Variants in MYLK observed in about 807,000 individuals in gnomAD.
MYLK encodes the protein myosin light chain kinase, smooth muscle.
In MYLK, 106 loss-of-function variants were observed where a neutral mutation model predicts 203.4. The observed-to-expected ratio is 0.52, with a 90% CI of 0.45 to 0.61. The LOEUF is 0.61. Ranked by LOEUF, MYLK falls within the 20% of genes least tolerant of loss-of-function variation. The pLI, the probability that MYLK is intolerant of heterozygous loss-of-function variation, is 0.00. For synonymous variants in MYLK, 867 were observed against 959.5 expected (o/e 0.90, Z 1.78); for missense variants, 2,072 against 2,442.3 (o/e 0.85, Z 3.20).
At chr3:123,725,376 C>T (rs923396987) in intron 12 of MYLK, among the ~76,000 whole-genome samples, 1 of 152,040 alleles carries the variant, frequency 6.6e-6, no homozygotes, top group South Asian at 2.1e-4. Context: ...TAATATACGG[C>T]AAATAATTTT....
At chr3:123,858,491 G>T (rs1476183172) in intron 2 of MYLK, among the ~76,000 whole-genome samples, 1 of 152,088 alleles carries the variant, frequency 6.6e-6, no homozygotes, top group Non-Finnish European at 1.5e-5. Context: ...AAGGTCGAGA[G>T]GCTACATCTG....
At chr3:123,735,981 G>A (rs936681120) in intron 8 of MYLK, among the ~76,000 whole-genome samples, 4 of 152,022 alleles carry the variant, frequency 2.6e-5, no homozygotes, top group African/African-American at 9.7e-5. Context: ...ATTTGTTTTT[G>A]AGTATTTTAA....
intron 13 of MYLK, among the ~76,000 whole-genome samples, chr3:123,710,331 C>T (rs2061642418): frequency 6.8e-6 from 1 of 147,178 alleles, no homozygotes; most frequent in African/African-American, 2.5e-5. Context: ...ACGTGTGTAA[C>T]ATATAGAAGC....
intron 3 of MYLK, chr3:123,814,221 A>G (rs1221705431): frequency 8.4e-6 from 2 of 238,440 alleles, no homozygotes; most frequent in African/African-American, 2.3e-5. Flanking sequence ...CTCTAGAAAA[A>G]CAAAAGACAA....
At chr3:123,787,719 A>G (rs1209101180) in intron 4 of MYLK, among the ~76,000 whole-genome samples, 2 of 152,172 alleles carry the variant, frequency 1.3e-5, no homozygotes, top group African/African-American at 4.8e-5. Flanking sequence ...AAAAATCAGG[A>G]TAAAAGCTGC....
chr3:123,734,764 T>A (rs2062616643), intron 9 of MYLK: 1 of 160,270 alleles, frequency 6.2e-6, no homozygotes, highest in Admixed American at 5.8e-5. Context: ...CATGGGCCCA[T>A]CTCTTGGTTC....
chr3:123,737,924 C>T (rs546521228), intron 7 of MYLK, among the ~76,000 whole-genome samples: 9 of 152,122 alleles, frequency 5.9e-5, no homozygotes, highest in African/African-American at 1.9e-4. Context: ...CCACTTTTAC[C>T]CAGGCATTCC....
At chr3:123,818,200 C>T (rs2065810469) in intron 3 of MYLK, among the ~76,000 whole-genome samples, 1 of 152,208 alleles carries the variant, frequency 6.6e-6, no homozygotes, top group African/African-American at 2.4e-5. Context: ...CTGCCTCCTG[C>T]AGTCACACAG....
chr3:123,880,692 C>T (rs1314787218), intron 1 of MYLK, among the ~76,000 whole-genome samples: 1 of 152,170 alleles, frequency 6.6e-6, no homozygotes, highest in Non-Finnish European at 1.5e-5. Flanking sequence ...TTCCACAGCT[C>T]CCTAGTGGGG....
intron 4 of MYLK, among the ~76,000 whole-genome samples, chr3:123,774,569 C>T (rs915886805): frequency 5.3e-5 from 8 of 152,188 alleles, no homozygotes; most frequent in African/African-American, 1.9e-4. Context: ...TAGCTCACTA[C>T]TTTTCAGGGG....
At chr3:123,649,336 C>T in intron 24 of MYLK, 142 bp from the exon 25 acceptor site, 1 of 1,087,022 alleles carries the variant, frequency 9.2e-7, no homozygotes, top group Non-Finnish European at 1.4e-6. Flanking sequence ...TGGGCATCCC[C>T]TGGGGCTGGT....
chr3:123,646,552 C>T (rs186351537), intron 27 of MYLK, among the ~76,000 whole-genome samples: 4 of 152,160 alleles, frequency 2.6e-5, no homozygotes, highest in South Asian at 4.1e-4. Context: ...CGTGTGTACA[C>T]GCATGCACCA....
chr3:123,825,515 G>A (rs1269902725), intron 3 of MYLK, among the ~76,000 whole-genome samples: 1 of 152,212 alleles, frequency 6.6e-6, no homozygotes, highest in Non-Finnish European at 1.5e-5. Flanking sequence ...CCTGGGCCCA[G>A]TTTGGAGAGC....
In MYLK at chr3:123,627,227, T is replaced by C. The variant is rs2058191006; in HGVS notation, c.5115-286A>G. Reference sequence around the variant, plus strand: ...GCTCTTGGGATCGAGGAAGAGTAAGTGCTGCAGGGCAGACGTTTCTGGGAT... The same window carrying C: ...GCTCTTGGGATCGAGGAAGAGTAAGCGCTGCAGGGCAGACGTTTCTGGGAT... On this transcript the variant is annotated intron_variant, in intron 30 of 33. Coordinates refer to ENST00000360304, the MANE Select transcript of MYLK (RefSeq NM_053025.4). Among the ~76,000 whole-genome samples, 8 of 152,304 alleles carry C rather than the reference T, an allele frequency of 5.3e-5. No homozygotes were observed. In the South Asian group the frequency reaches 1.4e-3, roughly 28 times the overall value.
intron 3 of MYLK, among the ~76,000 whole-genome samples, chr3:123,801,091 G>A (rs2065180154): frequency 6.6e-6 from 1 of 152,222 alleles, no homozygotes. Context: ...GCAAATTAAT[G>A]TCTGGCTAGT....
In MYLK at chr3:123,667,334, G is replaced by C. The variant is rs2059770765; in HGVS notation, c.3653-147C>G. On this transcript the variant is annotated intron_variant, in intron 20 of 33. Transcript: ENST00000360304. ...ATGTCTTTTCAGGCTGAGCACGGTG[G>C]CTCACACCTGTAATCTCAGCACTTT... 7.4e-6 allele frequency: 6 copies of C among 810,882 alleles called. No homozygotes were observed. The South Asian group carries it at 9.0e-5, about 12-fold the overall frequency. The allele number at this position is 810,882 out of a possible 1,614,324, so 50.2% of individuals were successfully genotyped here. A position where few individuals can be genotyped will look rare whatever the true frequency, so the allele number is the denominator to read the frequency against.
At chr3:123,735,456 T>C (rs2062642595) in intron 8 of MYLK, 40 bp from the exon 9 acceptor site, 1 of 1,613,500 alleles carries the variant, frequency 6.2e-7, no homozygotes, top group African/African-American at 1.3e-5. Context: ...GTTAGTAGAA[T>C]GCTGTATACA....
At chr3:123,726,184 G>C (rs1338582827) in intron 11 of MYLK, 106 bp from the exon 12 acceptor site, 4 of 1,466,940 alleles carry the variant, frequency 2.7e-6, no homozygotes. Flanking sequence ...TGGACACCTG[G>C]GTACCCTCGG....
In MYLK at chr3:123,614,028, G is replaced by GTTTTTTT; in HGVS notation, c.*70_*76dup. ...ACACTAGGTGCTTTTACTATCTTGAGTTTTTTTTTTTTTTTTGAGTTTTAG... is the reference window on the plus strand; with the variant it reads ...ACACTAGGTGCTTTTACTATCTTGAGTTTTTTTTTTTTTTTTTTTTTTTGAGTTTTAG... On this transcript the variant is annotated 3_prime_UTR_variant, in exon 34 of 34. Coordinates refer to ENST00000360304, the MANE Select transcript of MYLK (RefSeq NM_053025.4). The GTTTTTTT allele has an allele frequency of 7.7e-7, 1 of 1,291,578 alleles. No homozygotes were observed. The highest frequency in any genetic ancestry group is 1.1e-6 in the Non-Finnish European group (1 of 932,596). 80.0% of individuals were successfully genotyped at this position (1,291,578 alleles called of 1,614,324 possible).
Sources: allele counts gnomAD v4.1 joint callset (sites outside exome capture counted in the v4.1 genomes callset), GRCh38; gene constraint gnomAD v4.1.1; transcripts MANE v1.5; gene names NCBI Gene and HGNC (gene_info 2026-07-23, HGNC 2026-07-21).